The following PTPRN variants were observed in gnomAD, a reference collection of about 807,000 sequenced individuals.
The protein encoded by PTPRN is receptor-type tyrosine-protein phosphatase-like N.
PTPRN carries 70 observed loss-of-function variants against 108.5 expected under a neutral mutation model. The ratio of observed to expected loss-of-function variants is 0.65; its 90% CI spans 0.53 to 0.79. The LOEUF (loss-of-function observed/expected upper bound fraction) is 0.79. PTPRN is among the 30% of genes least tolerant of loss of function. PTPRN has a pLI of 0.00. For missense variants in PTPRN, 1,136 were observed against 1,295.5 expected (o/e 0.88, Z 1.89); for synonymous variants, 496 against 524.6 (o/e 0.95, Z 0.75).
rs1189116519 is a variant in PTPRN, at chr2:219,296,812, G to T, written c.2247C>A (p.Ala749=). The T allele has an allele frequency of 6.2e-7, 1 of 1,613,916 alleles. No individual in the cohort carries two copies. Among genetic ancestry groups the T allele is most frequent in the Non-Finnish European group, 8.5e-7 (1 of 1,180,006 alleles). ...TGCTCTCCACCTTCAGTTTTATGCG[G>T]GCATGGTCATCTGCACAGACCCGAC... is the stretch of plus-strand genomic sequence containing the variant. ...RHPDFLPYDH[A]RIKLKVESSP... The change falls in exon 16 of 23, where the codon GCC becomes GCA. Residue 749 remains alanine, a synonymous_variant. Coordinates refer to ENST00000295718, the MANE Select transcript of PTPRN (RefSeq NM_002846.4). The surrounding 1 kb of genome is among the most constrained non-coding windows in gnomAD (Gnocchi z 6.0).
Position 219,301,698 on chromosome 2 carries a change from G to T in PTPRN, c.1016C>A (p.Ala339Asp), listed in dbSNP as rs146577812. The change falls in exon 7 of 23, where the codon GCC (alanine) becomes GAC (aspartate). Residue 339 changes from alanine to aspartate, a missense_variant. Ala to Asp is a moderately radical substitution (Grantham distance 126). Coordinates refer to ENST00000295718, the MANE Select transcript of PTPRN (RefSeq NM_002846.4). Reference sequence around the variant, plus strand: ...TACCCCATAGCCCGCCAGCACAGCGGCCAGCCTCTGCAGAGCCGCATCTGC... The same window carrying T: ...TACCCCATAGCCCGCCAGCACAGCGTCCAGCCTCTGCAGAGCCGCATCTGC... ...VQPDAALQRL[A>D]AVLAGYGVEL... The T allele has an allele frequency of 7.2e-5, 116 of 1,611,340 alleles. 1 individual carries two copies. The East Asian group carries it at 2.6e-3, about 36-fold the overall frequency.
At position 219,297,320 on chromosome 2, in the gene PTPRN, G is replaced by A; in HGVS notation, c.2001C>T (p.Ala667=). 1 of 1,614,050 alleles carries A rather than the reference G, an allele frequency of 6.2e-7. No homozygotes were observed. Among genetic ancestry groups the A allele is most frequent in the African/African-American group, 1.3e-5 (1 of 75,082 alleles). Residue 667 remains alanine, a synonymous_variant, in exon 14 of 23, where the codon GCC becomes GCT. Coordinates refer to ENST00000295718, the MANE Select transcript of PTPRN (RefSeq NM_002846.4). This position sits in a 1 kb window ranked among gnomAD's most constrained non-coding sequence, Gnocchi z 6.0. ...GGGTGCTGCTGTGGGAGCTGGGGCTGGCCTGGGCTGCGTCGCTGAACTGGG... is the reference window on the plus strand; with the variant it reads ...GGGTGCTGCTGTGGGAGCTGGGGCTAGCCTGGGCTGCGTCGCTGAACTGGG... ...VSSQFSDAAQ[A]SPSSHSSTPS... is the part of the protein sequence containing the mutation.
intron 4 of PTPRN, 33 bp downstream of exon 4, chr2:219,303,702 C>CCATT (rs774368704): frequency 2.0e-5 from 32 of 1,572,398 alleles, no homozygotes; most frequent in Non-Finnish European, 2.6e-5. Flanking sequence ...ATCAGCCTCA[C>CCATT]CATTGCTAGA....
rs753786333 is a variant in PTPRN at position 219,299,032 on chromosome 2, C to G, written c.1668+15G>C. ...CCCTCTGGGGACTTGGACTGATTCT[C>G]CAGTTAGCGCATACCTGTCCCACTC... On this transcript the variant is annotated intron_variant, in intron 12 of 22. Coordinates refer to ENST00000295718, the MANE Select transcript of PTPRN (RefSeq NM_002846.4). The G allele has an allele frequency of 1.2e-6, 2 of 1,614,222 alleles. No individual in the cohort carries two copies. Among genetic ancestry groups the G allele is most frequent in the Non-Finnish European group, 1.7e-6 (2 of 1,180,012 alleles).
intron 4 of PTPRN, 67 bp from the exon 5 acceptor site, chr2:219,302,904 A>T: frequency 1.3e-6 from 2 of 1,550,280 alleles, no homozygotes; most frequent in South Asian, 1.2e-5. Context: ...GCAAGGCAGA[A>T]CTATTCGGGG....
At chr2:219,303,140 C>A (rs951366697) in intron 4 of PTPRN, among the ~76,000 whole-genome samples, 4 of 152,144 alleles carry the variant, frequency 2.6e-5, no homozygotes, top group African/African-American at 4.8e-5. Flanking sequence ...CAGGGGAAGG[C>A]AACCAGGAAT....
In PTPRN at chr2:219,296,096, C is replaced by A; in HGVS notation, c.2508+130G>T. On this transcript the variant is annotated intron_variant, in intron 18 of 22. Coordinates refer to ENST00000295718, the MANE Select transcript of PTPRN (RefSeq NM_002846.4). The surrounding 1 kb of genome is among the most constrained non-coding windows in gnomAD (Gnocchi z 6.0). ...TATATATATTCATATATGTATGAAT[C>A]ATGAGCAGGGCCAATAAAAGCCTTT... is the stretch of plus-strand genomic sequence containing the variant. 7.7e-7 allele frequency: 1 copy of A among 1,303,594 alleles called. No individual in the cohort carries two copies. The highest frequency in any genetic ancestry group is 1.4e-5 in the South Asian group (1 of 73,866). 80.8% of individuals were successfully genotyped at this position (1,303,594 alleles called of 1,614,324 possible).
chr2:219,295,955 C>T (rs1030607759), intron 18 of PTPRN: 25 of 383,548 alleles, frequency 6.5e-5, no homozygotes, highest in South Asian at 1.6e-4. Flanking sequence ...TCTCTATGAA[C>T]GCTTTTTGAC....
chr2:219,294,033 T>C, intron 19 of PTPRN: 2 of 494,724 alleles, frequency 4.0e-6, no homozygotes, highest in South Asian at 1.5e-5. Flanking sequence ...CTTTCGACAG[T>C]CTTTGCCTCT....
Position 219,290,208 on chromosome 2 carries a change from C to A in PTPRN, c.*18G>T, listed in dbSNP as rs1474901354. ...AGAGGGACAGAGGCTGGGCTGCCCG[C>A]CAAGGGGCCCCAGGGTCTCACTGGG... On this transcript the variant is annotated 3_prime_UTR_variant, in exon 23 of 23. Transcript: ENST00000295718. The surrounding 1 kb of genome is among the most constrained non-coding windows in gnomAD (Gnocchi z 4.2). 1 of 1,612,308 alleles carries A rather than the reference C, an allele frequency of 6.2e-7. No homozygotes were observed. Among genetic ancestry groups the A allele is most frequent in the Non-Finnish European group, 8.5e-7 (1 of 1,178,470 alleles).
At chr2:219,304,117 G>A in intron 3 of PTPRN, 1 of 263,606 alleles carries the variant, frequency 3.8e-6, no homozygotes, top group South Asian at 6.7e-5. Flanking sequence ...AATAAAATGG[G>A]GATTTATACC....
intron 11 of PTPRN, 56 bp from the exon 12 acceptor site, chr2:219,299,167 G>A (rs1387477115): frequency 6.2e-7 from 1 of 1,610,148 alleles, no homozygotes; most frequent in Non-Finnish European, 8.5e-7. Flanking sequence ...TCCATCCTCT[G>A]TCTTGCTCTG....
rs1952354616 is a variant in PTPRN at position 219,301,785 on chromosome 2, G to A, written c.995-66C>T. 3 of 1,537,960 alleles carry A rather than the reference G, an allele frequency of 2.0e-6. No homozygotes were observed. The East Asian group carries it at 6.9e-5, about 35-fold the overall frequency. On this transcript the variant is annotated intron_variant, in intron 6 of 22. Transcript: ENST00000295718. Reference sequence around the variant, plus strand: ...GTGAACTTGAGGGATGCAGATGAGTGAGTGAGGGTGGGAAGGGACTAGCAT... The same window carrying A: ...GTGAACTTGAGGGATGCAGATGAGTAAGTGAGGGTGGGAAGGGACTAGCAT...
At position 219,303,805 on chromosome 2, in the gene PTPRN, G is replaced by A; in HGVS notation, c.307C>T (p.Gln103Ter). 3.7e-6 allele frequency: 6 copies of A among 1,613,690 alleles called. No individual in the cohort carries two copies. Among genetic ancestry groups the A allele is most frequent in the Non-Finnish European group, 4.2e-6 (5 of 1,179,750 alleles). Residue 103 changes from glutamine to a stop codon, truncating the protein, a stop_gained, in exon 4 of 23, where the codon CAG becomes TAG. Coordinates refer to ENST00000295718, the MANE Select transcript of PTPRN (RefSeq NM_002846.4). LOFTEE classifies it high-confidence loss of function. ...TCCATCTCCTGAGAGATCACATACT[G>A]GGTGAGGTCATCGTGCCAGGACAAT... Reference protein sequence around the residue: ...QGLSWHDDLTQYVISQEMERI... With the variant: ...QGLSWHDDLT
intron 3 of PTPRN, among the ~76,000 whole-genome samples, chr2:219,305,202 C>A (rs902201896): frequency 6.6e-6 from 1 of 152,076 alleles, no homozygotes; most frequent in East Asian, 1.9e-4. Flanking sequence ...TTCTCAGTCT[C>A]CCTGAGAGGA....
intron 3 of PTPRN, chr2:219,307,000 C>A: frequency 6.5e-6 from 1 of 154,714 alleles, no homozygotes; most frequent in Non-Finnish European, 1.4e-5. Flanking sequence ...CCCCTTATCC[C>A]CCAAACAGAA....
At chr2:219,308,905 G>A (rs781384801) in intron 1 of PTPRN, 5 of 1,375,350 alleles carry the variant, frequency 3.6e-6, no homozygotes, top group South Asian at 2.5e-5. Context: ...CGGAGCAAGT[G>A]GCTTCTCCTG....
chr2:219,295,197 C>T, intron 18 of PTPRN, 56 bp from the exon 19 acceptor site: 2 of 1,573,202 alleles, frequency 1.3e-6, no homozygotes, highest in Non-Finnish European at 8.6e-7. Context: ...CCCCGCGTTG[C>T]GCGCGCTCTC....
At chr2:219,303,892 C>G (rs1178696083) in intron 3 of PTPRN, 61 bp from the exon 4 acceptor site, 1 of 1,319,482 alleles carries the variant, frequency 7.6e-7, no homozygotes, top group East Asian at 2.3e-5. Flanking sequence ...TAACGGGGAC[C>G]ACTGGGGATC....
Sources: allele counts gnomAD v4.1 joint callset (sites outside exome capture counted in the v4.1 genomes callset), GRCh38; gene constraint gnomAD v4.1.1; non-coding constraint Gnocchi (gnomAD v3.1); transcripts MANE v1.5; gene names NCBI Gene and HGNC (gene_info 2026-07-23, HGNC 2026-07-21).